Variants in PCDHGB3 observed in about 807,000 individuals in gnomAD.
PCDHGB3 encodes protocadherin gamma-B3.
Under a neutral mutation model 59.2 loss-of-function variants are expected in PCDHGB3, and 40 were observed. That is an observed-to-expected ratio of 0.68 (90% CI 0.52 to 0.88). The LOEUF (loss-of-function observed/expected upper bound fraction) is 0.88. Among genes scored for constraint, PCDHGB3 ranks in the 40% least tolerant of loss-of-function variants. The pLI is 0.00. For synonymous variants in PCDHGB3, 581 were observed against 503.6 expected (o/e 1.15, Z -2.06); for missense variants, 1,309 against 1,187.9 (o/e 1.10, Z -1.50).
chr5:141,399,515 C>A, intron 1 of PCDHGB3: 13 of 1,614,040 alleles, frequency 8.1e-6, no homozygotes, highest in Non-Finnish European at 1.1e-5. Flanking sequence ...AACAACCCTC[C>A]TGGGGCCTCC....
intron 1 of PCDHGB3, chr5:141,420,219 T>C: frequency 6.2e-7 from 1 of 1,607,100 alleles, no homozygotes. Flanking sequence ...GATAGCATGC[T>C]ACTGGCTAGC....
In PCDHGB3 at chr5:141,372,314, G is replaced by T. The variant is rs369724462; in HGVS notation, c.1920G>T (p.Gln640His). Reference protein sequence around the residue: ...RTLGDREAARQRLLVTVRDGG... With the variant: ...RTLGDREAARHRLLVTVRDGG... ...TGGGCGACAGGGAGGCCGCCCGCCA[G>T]CGCCTGCTGGTCACTGTGCGTGATG... Residue 640 changes from glutamine to histidine, a missense_variant, in exon 1 of 4, where the codon CAG (glutamine) becomes CAT (histidine). Transcript: ENST00000576222. 6.2e-7 allele frequency: 1 copy of T among 1,613,578 alleles called. No individual in the cohort carries two copies. Among genetic ancestry groups the T allele is most frequent in the East Asian group, 2.2e-5 (1 of 44,880 alleles).
chr5:141,435,990 T>C (rs1175877769), intron 1 of PCDHGB3, among the ~76,000 whole-genome samples: 1 of 152,162 alleles, frequency 6.6e-6, no homozygotes, highest in Non-Finnish European at 1.5e-5. Flanking sequence ...TTGTGTGATT[T>C]TTTGAAAGAA....
intron 1 of PCDHGB3, chr5:141,398,862 C>T (rs771326288): frequency 1.9e-5 from 31 of 1,613,848 alleles, no homozygotes; most frequent in Non-Finnish European, 2.6e-5. Flanking sequence ...TCAACCGAGA[C>T]GTGTACAGAG....
At chr5:141,460,616 T>C (rs905095529) in intron 1 of PCDHGB3, among the ~76,000 whole-genome samples, 8 of 152,114 alleles carry the variant, frequency 5.3e-5, no homozygotes, top group Non-Finnish European at 7.4e-5. Context: ...GATGGATAGA[T>C]AGACAGATAC....
intron 1 of PCDHGB3, chr5:141,389,322 G>A: frequency 6.2e-7 from 1 of 1,613,984 alleles, no homozygotes; most frequent in East Asian, 2.2e-5. Flanking sequence ...TCCGGACTTG[G>A]GGCCCAACGG....
At chr5:141,444,626 A>G (rs542390437) in intron 1 of PCDHGB3, among the ~76,000 whole-genome samples, 74 of 152,288 alleles carry the variant, frequency 4.9e-4, no homozygotes, top group African/African-American at 1.7e-3. Flanking sequence ...GGCATGATGC[A>G]CCAGTTCATT....
rs1314264090 is a variant in PCDHGB3, at chr5:141,490,459, C to T, written c.2416-4348C>T. 7 of 1,614,100 alleles carry T rather than the reference C, an allele frequency of 4.3e-6. No homozygotes were observed. Among genetic ancestry groups the T allele is most frequent in the Non-Finnish European group, 5.9e-6 (7 of 1,180,040 alleles). ...GCCTTCTGAGAACCACTACTCGCTG[C>T]TAACCAGCCAGCCTTTGGACCGGGA... On this transcript the variant is annotated intron_variant, in intron 1 of 3. Coordinates refer to ENST00000576222, the MANE Select transcript of PCDHGB3 (RefSeq NM_018924.5). The surrounding 1 kb of genome is among the most constrained non-coding windows in gnomAD (Gnocchi z 5.4).
intron 1 of PCDHGB3, chr5:141,384,244 C>A (rs768651416): frequency 1.2e-5 from 20 of 1,613,710 alleles, no homozygotes; most frequent in Non-Finnish European, 1.7e-5. Flanking sequence ...CAACGATAAC[C>A]CACCCACCTT....
intron 1 of PCDHGB3, chr5:141,418,829 C>A: frequency 1.9e-6 from 3 of 1,613,856 alleles, no homozygotes; most frequent in Non-Finnish European, 1.7e-6. Context: ...AGCAAAAGAC[C>A]GAGGATCTCT....
chr5:141,496,554 G>T (rs2099769470), intron 2 of PCDHGB3, among the ~76,000 whole-genome samples: 1 of 152,160 alleles, frequency 6.6e-6, no homozygotes, highest in Non-Finnish European at 1.5e-5. Context: ...TTCTGGGCAT[G>T]CACAGTCCTG....
In PCDHGB3 at chr5:141,431,887, T is replaced by C; in HGVS notation, c.2415+59078T>C. The C allele has an allele frequency of 1.2e-6, 2 of 1,614,190 alleles. No individual in the cohort carries two copies. The highest frequency in any genetic ancestry group is 1.7e-6 in the Non-Finnish European group (2 of 1,179,996). ...TTTTAAATGTAAATGACCAAGATTCTGAGGAAAACGGACAGGTGATCTGTT... is the reference window on the plus strand; with the variant it reads ...TTTTAAATGTAAATGACCAAGATTCCGAGGAAAACGGACAGGTGATCTGTT... On this transcript the variant is annotated intron_variant, in intron 1 of 3. Coordinates refer to ENST00000576222, the MANE Select transcript of PCDHGB3 (RefSeq NM_018924.5). The surrounding 1 kb of genome is among the most constrained non-coding windows in gnomAD (Gnocchi z 4.8).
chr5:141,428,358 G>T, intron 1 of PCDHGB3: 1 of 565,492 alleles, frequency 1.8e-6, no homozygotes, highest in Non-Finnish European at 3.2e-6. Flanking sequence ...TGATTTTGGC[G>T]GTCGCCTTGC....
intron 1 of PCDHGB3, among the ~76,000 whole-genome samples, chr5:141,438,976 C>T (rs2098079529): frequency 6.6e-6 from 1 of 151,928 alleles, no homozygotes; most frequent in Non-Finnish European, 1.5e-5. Context: ...AACTGTCTGA[C>T]TTATCTTAAA....
At chr5:141,453,046 T>C (rs1561950003) in intron 1 of PCDHGB3, among the ~76,000 whole-genome samples, 1 of 152,186 alleles carries the variant, frequency 6.6e-6, no homozygotes, top group Non-Finnish European at 1.5e-5. Context: ...GTTTCTATTA[T>C]GTGCAGTTTT....
chr5:141,441,762 C>T (rs3805697), intron 1 of PCDHGB3: 63,073 of 367,490 alleles, frequency 0.17, 6,544 homozygotes, highest in Admixed American at 0.27. Context: ...CGTGAGCCTG[C>T]GCGTGTTGGT....
intron 1 of PCDHGB3, among the ~76,000 whole-genome samples, chr5:141,488,870 G>T (rs2099680071): frequency 6.6e-6 from 1 of 152,224 alleles, no homozygotes; most frequent in African/African-American, 2.4e-5. Context: ...TGAGTGGGGA[G>T]GTAGGAAGCT....
intron 1 of PCDHGB3, chr5:141,414,081 T>G: frequency 6.2e-7 from 1 of 1,601,774 alleles, no homozygotes; most frequent in Non-Finnish European, 8.5e-7. Context: ...ACAAATATAC[T>G]GGAGAAATAA....
At chr5:141,430,244 A>G (rs903055705) in intron 1 of PCDHGB3, among the ~76,000 whole-genome samples, 1 of 105,606 alleles carries the variant, frequency 9.5e-6, no homozygotes, top group Non-Finnish European at 1.8e-5. Context: ...AGAAACTCCT[A>G]GGGAGACATC....
Sources: gnomAD v4.1 joint callset for allele counts (sites outside exome capture counted in the v4.1 genomes callset) on GRCh38, gnomAD v4.1.1 for gene constraint, Gnocchi (gnomAD v3.1) non-coding constraint, MANE v1.5 for transcripts, NCBI Gene and HGNC (gene_info 2026-07-23, HGNC 2026-07-21) for gene names.